PRUNE2: variants seen among roughly 807,000 people sequenced by gnomAD.
PRUNE2 encodes the protein protein prune homolog 2.
In PRUNE2, 164 loss-of-function variants were observed where a neutral mutation model predicts 252.0. That is an observed-to-expected ratio of 0.65 (90% CI 0.57 to 0.74). The LOEUF is 0.74. Among genes scored for constraint, PRUNE2 ranks in the 30% least tolerant of loss-of-function variants. The pLI is 0.00. For missense variants in PRUNE2, 3,495 were observed against 3,711.0 expected, an observed-to-expected ratio of 0.94 and a Z score of 1.51; for synonymous variants, 1,292 against 1,350.2, an observed-to-expected ratio of 0.96 and a Z score of 0.94.
intron 1 of PRUNE2, among the ~76,000 whole-genome samples, chr9:76,898,996 T>A (rs554979664): frequency 6.6e-6 from 1 of 152,306 alleles, no homozygotes; most frequent in South Asian, 2.1e-4. Context: ...ACACATGAGG[T>A]CTGCAGTGCC....
intron 6 of PRUNE2, among the ~76,000 whole-genome samples, chr9:76,794,420 T>C (rs1022937975): frequency 2.0e-5 from 3 of 151,824 alleles, no homozygotes; most frequent in Admixed American, 6.6e-5. Context: ...ATCGAGGTCA[T>C]CCTGGCCAAC....
intron 6 of PRUNE2, among the ~76,000 whole-genome samples, chr9:76,749,301 G>C (rs2050406527): frequency 1.3e-5 from 2 of 152,110 alleles, no homozygotes; most frequent in African/African-American, 4.8e-5. Flanking sequence ...TCTTCCTAAG[G>C]GTCCTGGAGA....
chr9:76,774,450 CTTTTTTTTTTT>C (rs869289049), intron 6 of PRUNE2, among the ~76,000 whole-genome samples: 1 of 41,402 alleles, frequency 2.4e-5, no homozygotes, highest in Non-Finnish European at 3.9e-5. Context: ...CAGTTCAACC[CTTTTTTTTTTT>C]TTTTTTTTTT....
rs569411586 is a variant in PRUNE2 at position 76,767,550 on chromosome 9, G to T, written c.757-53829C>A. The stretch of plus-strand genomic sequence containing the variant: ...ACTCCATTGATCACCTCTTTAAAAA[G>T]AAAAAGAACTATTTTCCAGAACCTT... On this transcript the variant is annotated intron_variant, in intron 6 of 18. Coordinates refer to ENST00000376718, the MANE Select transcript of PRUNE2 (RefSeq NM_015225.3). 1.1e-4 allele frequency among the ~76,000 whole-genome samples: 17 copies of T among 152,068 alleles called. 2 individuals are homozygous for T. The South Asian group carries it at 3.5e-3, about 32-fold the overall frequency.
chr9:76,833,930 G>A (rs1420331266), intron 4 of PRUNE2, among the ~76,000 whole-genome samples: 9 of 147,550 alleles, frequency 6.1e-5, no homozygotes, highest in East Asian at 2.1e-4. Context: ...CGCCCAGGCC[G>A]GAGTGCAGTG....
In PRUNE2 at chr9:76,708,796, C is replaced by A; in HGVS notation, c.3478G>T (p.Gly1160Cys). The change falls in exon 8 of 19, where the codon GGT becomes TGT. Residue 1160 changes from glycine to cysteine, a missense_variant. Transcript: ENST00000376718. ...DGQTEGYMAE[G>C]SEPETRFTVR... ...GTAAATCGGGTTTCCGGCTCGGAAC[C>A]TTCAGCCATGTATCCTTCTGTTTGA... 6.2e-7 allele frequency: 1 copy of A among 1,613,966 alleles called. No individual in the cohort carries two copies. Among genetic ancestry groups the A allele is most frequent in the Non-Finnish European group, 8.5e-7 (1 of 1,179,892 alleles).
At chr9:76,846,890 A>C (rs2059696660) in intron 3 of PRUNE2, among the ~76,000 whole-genome samples, 4 of 152,236 alleles carry the variant, frequency 2.6e-5, no homozygotes, top group Admixed American at 2.6e-4. Flanking sequence ...TAAAATACGT[A>C]CATACCTTCC....
At chr9:76,863,100 A>G (rs2060644555) in intron 1 of PRUNE2, 1 of 152,216 alleles carries the variant, frequency 6.6e-6, no homozygotes, top group African/African-American at 2.4e-5. Context: ...TAAATTTATA[A>G]TTATTTATTT....
intron 9 of PRUNE2, chr9:76,692,268 G>C (rs1164795442): frequency 1.0e-5 from 7 of 671,256 alleles, no homozygotes; most frequent in South Asian, 1.7e-5. Flanking sequence ...CTGTGGCTAG[G>C]GGGCACAGCT....
intron 1 of PRUNE2, among the ~76,000 whole-genome samples, chr9:76,859,550 T>G (rs2060439910): frequency 6.6e-6 from 1 of 152,124 alleles, no homozygotes; most frequent in Non-Finnish European, 1.5e-5. Flanking sequence ...TCTTGCCCAC[T>G]GCCCAGAAAA....
At chr9:76,629,318 GTA>G in intron 15 of PRUNE2, 28 bp from the exon 16 acceptor site, 1 of 1,154,436 alleles carries the variant, frequency 8.7e-7, no homozygotes, top group Non-Finnish European at 1.2e-6. Context: ...AAAAAAATAT[GTA>G]TCATTAGTCA....
At chr9:76,737,047 G>C (rs1003732713) in intron 6 of PRUNE2, 1 of 152,128 alleles carries the variant, frequency 6.6e-6, no homozygotes, top group African/African-American at 2.4e-5. Context: ...ATTTCTGTTC[G>C]CACACAGTTC....
intron 6 of PRUNE2, among the ~76,000 whole-genome samples, chr9:76,798,102 C>A (rs772331960): frequency 6.6e-6 from 1 of 151,488 alleles, no homozygotes; most frequent in Non-Finnish European, 1.5e-5. Flanking sequence ...ATATAACAAC[C>A]CTATTTTTTA....
rs1251816625 is a variant in PRUNE2, at chr9:76,870,799, A to AGG, written c.37-16592_37-16591insCC. Among the ~76,000 whole-genome samples, 978 of 152,238 alleles carry AGG rather than the reference A, an allele frequency of 6.4e-3. 9 individuals carry two copies. Among genetic ancestry groups the AGG allele is most frequent in the African/African-American group, 0.022 (926 of 41,540 alleles). On this transcript the variant is annotated intron_variant, in intron 1 of 18. Coordinates refer to ENST00000376718, the MANE Select transcript of PRUNE2 (RefSeq NM_015225.3). ...GAAGACAGGCAGGTTTGACATCATC[A>AGG]TATCCCCATAACTGAAGCAAATCCC...
chr9:76,687,734 T>C, intron 9 of PRUNE2: 1 of 252,754 alleles, frequency 4.0e-6, no homozygotes, highest in Non-Finnish European at 8.5e-6. Context: ...ACAAAAAGAA[T>C]GGATCAGAGA....
intron 7 of PRUNE2, 61 bp from the exon 8 acceptor site, chr9:76,711,419 C>T (rs2046723748): frequency 1.9e-6 from 2 of 1,039,994 alleles, no homozygotes; most frequent in Non-Finnish European, 2.8e-6. Context: ...TGCAATTGCA[C>T]TTTGCAATTT....
intron 6 of PRUNE2, among the ~76,000 whole-genome samples, chr9:76,806,987 T>A (rs2076198969): frequency 6.6e-6 from 1 of 151,550 alleles, no homozygotes; most frequent in African/African-American, 2.4e-5. Flanking sequence ...CCAACCCAAG[T>A]AGATTCCATA....
At chr9:76,861,059 A>T (rs563440533) in intron 1 of PRUNE2, among the ~76,000 whole-genome samples, 1 of 152,282 alleles carries the variant, frequency 6.6e-6, no homozygotes, top group African/African-American at 2.4e-5. Flanking sequence ...ACAGGTCCCT[A>T]ACTCAAACCC....
At chr9:76,868,849 C>T (rs866943050) in intron 1 of PRUNE2, 4 of 30,388 alleles carry the variant, frequency 1.3e-4, no homozygotes, top group East Asian at 1.8e-3. Flanking sequence ...GGGGGGGGGG[C>T]GGGGGGGAAG....
Sources: allele counts gnomAD v4.1 joint callset (sites outside exome capture counted in the v4.1 genomes callset), GRCh38; gene constraint gnomAD v4.1.1; transcripts MANE v1.5; gene names NCBI Gene and HGNC (gene_info 2026-07-23, HGNC 2026-07-21).